LEKR1: variants seen among roughly 807,000 people sequenced by gnomAD.
LEKR1 encodes protein LEKR1.
A neutral mutation model predicts 72.4 loss-of-function variants in LEKR1; 59 were observed. The observed-to-expected ratio is 0.82, with a 90% CI of 0.66 to 1.01. The LOEUF is 1.01. LEKR1 is among the 50% of genes least tolerant of loss of function. The pLI is 0.00. For synonymous variants in LEKR1, 257 were observed against 263.2 expected, an observed-to-expected ratio of 0.98 and a Z score of 0.23; for missense variants, 728 against 759.2, an observed-to-expected ratio of 0.96 and a Z score of 0.48.
At chr3:156,884,813 G>A (rs1281164164) in intron 3 of LEKR1, among the ~76,000 whole-genome samples, 1 of 152,064 alleles carries the variant, frequency 6.6e-6, no homozygotes. Flanking sequence ...TCTTATATTT[G>A]GATGTCTAGA....
rs748719503 is a variant in LEKR1, at chr3:157,005,999, ATTT to A, written c.1110-5399_1110-5397del. ...AAACCACAATAAGATACTACTATAC[ATTT>A]TTTTTTTTTTTTTTGAGACGGAGTC... On this transcript the variant is annotated intron_variant, in intron 9 of 12. Transcript: ENST00000356539. Among the ~76,000 whole-genome samples, 27 of 140,944 alleles carry A rather than the reference ATTT, an allele frequency of 1.9e-4. No homozygotes were observed. The South Asian group carries it at 4.0e-3, about 21-fold the overall frequency. 92.5% of individuals were successfully genotyped at this position (140,944 alleles called of 152,430 possible).
intron 7 of LEKR1, among the ~76,000 whole-genome samples, chr3:156,984,498 GAAA>G (rs1730504623): frequency 6.6e-6 from 1 of 152,054 alleles, no homozygotes; most frequent in Non-Finnish European, 1.5e-5. Flanking sequence ...CCAATATGGT[GAAA>G]CCTCGCCTTT....
At chr3:156,912,103 G>C (rs1723173485) in intron 3 of LEKR1, among the ~76,000 whole-genome samples, 1 of 151,262 alleles carries the variant, frequency 6.6e-6, no homozygotes, top group South Asian at 2.1e-4. Context: ...TATTTTCTCT[G>C]GAGCCTAGAG....
At chr3:157,002,470 T>C (rs1291294220) in intron 9 of LEKR1, among the ~76,000 whole-genome samples, 1 of 152,178 alleles carries the variant, frequency 6.6e-6, no homozygotes, top group African/African-American at 2.4e-5. Context: ...CTAGATTATC[T>C]TTTTCACACA....
intron 6 of LEKR1, among the ~76,000 whole-genome samples, chr3:156,945,087 C>T (rs1726564129): frequency 6.6e-6 from 1 of 151,642 alleles, no homozygotes; most frequent in Admixed American, 6.6e-5. Context: ...TTTCTATTTT[C>T]TGTCATTTGG....
At chr3:156,851,570 T>C (rs1448546549) in intron 2 of LEKR1, among the ~76,000 whole-genome samples, 1 of 152,176 alleles carries the variant, frequency 6.6e-6, no homozygotes, top group Non-Finnish European at 1.5e-5. Flanking sequence ...TAGTGGCAAG[T>C]AGTTGATATA....
intron 6 of LEKR1, among the ~76,000 whole-genome samples, chr3:156,946,361 A>G (rs1726676885): frequency 1.3e-5 from 2 of 151,496 alleles, no homozygotes; most frequent in South Asian, 2.1e-4. Flanking sequence ...AGGTTTTTCT[A>G]AATATAAGAT....
chr3:156,994,038 T>C (rs1170761106), intron 9 of LEKR1, among the ~76,000 whole-genome samples: 1 of 152,090 alleles, frequency 6.6e-6, no homozygotes, highest in African/African-American at 2.4e-5. Flanking sequence ...TTATATTAAC[T>C]AAGAACACAA....
Position 156,983,499 on chromosome 3 carries a change from G to A in LEKR1, c.827+4224G>A, listed in dbSNP as rs147063840. Among the ~76,000 whole-genome samples, 687 of 152,200 alleles carry A rather than the reference G, an allele frequency of 4.5e-3. 5 individuals are homozygous for A. Among genetic ancestry groups the A allele is most frequent in the African/African-American group, 0.016 (657 of 41,524 alleles). Reference sequence around the variant, plus strand: ...ATAATCTGGTTCTATATTTATGTCTGGGGTGGCTCCAAGCAATCACATTTT... The same window carrying A: ...ATAATCTGGTTCTATATTTATGTCTAGGGTGGCTCCAAGCAATCACATTTT... On this transcript the variant is annotated intron_variant, in intron 7 of 12. Coordinates refer to ENST00000356539, the MANE Select transcript of LEKR1 (RefSeq NM_001004316.3).
At chr3:156,949,431 T>G (rs1041117871) in intron 6 of LEKR1, among the ~76,000 whole-genome samples, 4 of 151,708 alleles carry the variant, frequency 2.6e-5, no homozygotes, top group Admixed American at 2.0e-4. Flanking sequence ...CTTTTTCCAT[T>G]GCTTGTTTTT....
At chr3:156,941,835 A>G (rs1019009983) in intron 5 of LEKR1, among the ~76,000 whole-genome samples, 2 of 152,106 alleles carry the variant, frequency 1.3e-5, no homozygotes, top group Non-Finnish European at 2.9e-5. Flanking sequence ...ATTATTCTGA[A>G]GGATAATATG....
intron 2 of LEKR1, among the ~76,000 whole-genome samples, chr3:156,844,362 T>A (rs944286452): frequency 6.6e-6 from 1 of 152,190 alleles, no homozygotes; most frequent in South Asian, 2.1e-4. Flanking sequence ...CACTTATTCG[T>A]CATCTAGCTT....
rs1282604552 is a variant in LEKR1 at position 156,919,996 on chromosome 3, C to T, written c.264-579C>T. The stretch of plus-strand genomic sequence containing the variant: ...GTTTGGCTTCCTTGATTTTTTTTCT[C>T]TCTTGCTTCCTCTCTCATCACGTGA... On this transcript the variant is annotated intron_variant, in intron 3 of 12. Coordinates refer to ENST00000356539, the MANE Select transcript of LEKR1 (RefSeq NM_001004316.3). Among the ~76,000 whole-genome samples, 3 of 152,118 alleles carry T rather than the reference C, an allele frequency of 2.0e-5. No homozygotes were observed. The South Asian group carries it at 6.2e-4, about 32-fold the overall frequency.
rs1401423266 is a variant in LEKR1, at chr3:157,005,674, A to G, written c.1110-5739A>G. ...TTTAACATAAAAATCAATGACATTCAACAGATAAAAGAGATAAATTCAACT... is the reference window on the plus strand; with the variant it reads ...TTTAACATAAAAATCAATGACATTCGACAGATAAAAGAGATAAATTCAACT... On this transcript the variant is annotated intron_variant, in intron 9 of 12. Coordinates refer to ENST00000356539, the MANE Select transcript of LEKR1 (RefSeq NM_001004316.3). 7.2e-5 allele frequency among the ~76,000 whole-genome samples: 11 copies of G among 152,258 alleles called. No homozygotes were observed. In the South Asian group the frequency reaches 1.0e-3, roughly 14 times the overall value.
At chr3:156,868,132 C>T (rs966904758) in intron 3 of LEKR1, among the ~76,000 whole-genome samples, 5 of 151,980 alleles carry the variant, frequency 3.3e-5, no homozygotes, top group African/African-American at 7.2e-5. Context: ...ATATGCCTCC[C>T]GGCATTTCAG....
intron 2 of LEKR1, among the ~76,000 whole-genome samples, chr3:156,838,609 C>T (rs62273917): frequency 0.031 from 4,748 of 152,272 alleles, 110 homozygotes; most frequent in Non-Finnish European, 0.047. Context: ...GAATACTCAG[C>T]AGACCAGTTT....
intron 10 of LEKR1, among the ~76,000 whole-genome samples, chr3:157,019,218 A>G (rs554566764): frequency 1.6e-4 from 25 of 152,322 alleles, no homozygotes; most frequent in African/African-American, 5.8e-4. Flanking sequence ...TGAGTAATAA[A>G]TGGTCATATT....
chr3:156,996,211 T>C (rs1267424042), intron 9 of LEKR1, among the ~76,000 whole-genome samples: 1 of 151,994 alleles, frequency 6.6e-6, no homozygotes, highest in African/African-American at 2.4e-5. Context: ...TGATAATGGA[T>C]ATGAAGTAGT....
At chr3:156,883,615 T>G (rs557544306) in intron 3 of LEKR1, among the ~76,000 whole-genome samples, 10 of 152,346 alleles carry the variant, frequency 6.6e-5, no homozygotes, top group Admixed American at 3.3e-4. Flanking sequence ...TCCCCCATAC[T>G]GTTCTCATGG....
Sources: gnomAD v4.1 joint callset for allele counts (sites outside exome capture counted in the v4.1 genomes callset) on GRCh38, gnomAD v4.1.1 for gene constraint, MANE v1.5 for transcripts, NCBI Gene and HGNC (gene_info 2026-07-23, HGNC 2026-07-21) for gene names.